KCNC2: variants seen among roughly 807,000 people sequenced by gnomAD.
KCNC2 encodes the protein potassium voltage-gated channel subfamily C member 2.
In KCNC2, 21 loss-of-function variants were observed where a neutral mutation model predicts 44.5. The ratio of observed to expected loss-of-function variants is 0.47; its 90% CI spans 0.33 to 0.68. The LOEUF (loss-of-function observed/expected upper bound fraction) is 0.68. Among genes scored for constraint, KCNC2 ranks in the 30% least tolerant of loss-of-function variants. KCNC2 has a pLI of 0.01. For synonymous variants in KCNC2, 391 were observed against 339.1 expected (o/e 1.15, Z -1.68); for missense variants, 589 against 826.2 (o/e 0.71, Z 3.52).
At chr12:75,155,526 A>G (rs1356038012) in intron 2 of KCNC2, among the ~76,000 whole-genome samples, 1 of 151,792 alleles carries the variant, frequency 6.6e-6, no homozygotes, top group Non-Finnish European at 1.5e-5. Flanking sequence ...ATTTCCTTAG[A>G]AATCAGTTTG....
chr12:75,061,566 T>TAC lies in KCNC2; in HGVS notation c.688-10251_688-10250dup, dbSNP rs59052402. Among the ~76,000 whole-genome samples, 408 of 143,428 alleles carry TAC rather than the reference T, an allele frequency of 2.8e-3. 3 individuals are homozygous for TAC. The highest frequency in any genetic ancestry group is 3.5e-3 in the Middle Eastern group (1 of 288). The allele number at this position is 143,428 out of a possible 152,430, so 94.1% of individuals were successfully genotyped here. On this transcript the variant is annotated intron_variant, in intron 2 of 4. Transcript: ENST00000549446. ...GGTGCTGAGAAATATAAGTGACAAG[T>TAC]ACACACACACACACACACACACACA... is the stretch of plus-strand genomic sequence containing the variant.
chr12:75,199,719 C>T (rs2031079395), intron 2 of KCNC2, among the ~76,000 whole-genome samples: 2 of 151,866 alleles, frequency 1.3e-5, no homozygotes, highest in Admixed American at 6.6e-5. Flanking sequence ...CCCACCATGA[C>T]CTGGTTATTT....
Position 75,041,987 on chromosome 12 carries a change from A to G in KCNC2, c.*1118T>C. On this transcript the variant is annotated 3_prime_UTR_variant, in exon 5 of 5. Coordinates refer to ENST00000549446, the MANE Select transcript of KCNC2 (RefSeq NM_139137.4). ...GCTAAGACAGACAAGAACAACATAC[A>G]GGACAAAGCACCTGATTAAACACTG... 1 of 1,047,504 alleles carries G rather than the reference A, an allele frequency of 9.5e-7. No homozygotes were observed. Among genetic ancestry groups the G allele is most frequent in the Non-Finnish European group, 1.1e-6 (1 of 871,038 alleles). The allele number at this position is 1,047,504 out of a possible 1,614,324, so 64.9% of individuals were successfully genotyped here.
rs1880092495 is a variant in KCNC2, at chr12:75,043,077, G to C, written c.*28C>G. ...ACAGCACTTGAATTAATACAATTTAGCCGACTGATGCAGTTTGGTTGTTTG... is the reference window on the plus strand; with the variant it reads ...ACAGCACTTGAATTAATACAATTTACCCGACTGATGCAGTTTGGTTGTTTG... On this transcript the variant is annotated 3_prime_UTR_variant, in exon 5 of 5. Transcript: ENST00000549446. 6.2e-7 allele frequency: 1 copy of C among 1,608,930 alleles called. No homozygotes were observed.
chr12:75,118,489 T>C (rs760989781), intron 2 of KCNC2, among the ~76,000 whole-genome samples: 1 of 151,854 alleles, frequency 6.6e-6, no homozygotes, highest in African/African-American at 2.4e-5. Context: ...AGGGCTGTCA[T>C]GTAAGAATTA....
At chr12:75,066,477 A>C (rs1882842561) in intron 2 of KCNC2, among the ~76,000 whole-genome samples, 1 of 152,176 alleles carries the variant, frequency 6.6e-6, no homozygotes, top group African/African-American at 2.4e-5. Flanking sequence ...ATTTGCTTTT[A>C]AAAATAAAAG....
At chr12:75,084,236 TAGA>T (rs765368256) in intron 2 of KCNC2, among the ~76,000 whole-genome samples, 1 of 150,698 alleles carries the variant, frequency 6.6e-6, no homozygotes, top group South Asian at 2.1e-4. Flanking sequence ...TAGATATAGA[TAGA>T]TAGATAGATG....
chr12:75,042,372 T>G lies in KCNC2; in HGVS notation c.*733A>C. ...CCAGTAATGACAACCTCTTTGCAGT[T>G]ATCTGTGTGCAAACAACCAGAGACA... On this transcript the variant is annotated 3_prime_UTR_variant, in exon 5 of 5. Coordinates refer to ENST00000549446, the MANE Select transcript of KCNC2 (RefSeq NM_139137.4). The G allele has an allele frequency of 6.2e-7, 1 of 1,611,200 alleles. No homozygotes were observed. Among genetic ancestry groups the G allele is most frequent in the Non-Finnish European group, 8.5e-7 (1 of 1,178,132 alleles).
intron 2 of KCNC2, among the ~76,000 whole-genome samples, chr12:75,080,842 G>T (rs1407756525): frequency 6.6e-6 from 1 of 151,852 alleles, no homozygotes; most frequent in African/African-American, 2.4e-5. Context: ...AGATTTAATT[G>T]TTAGATAGTC....
At chr12:75,156,791 T>C (rs1890789615) in intron 2 of KCNC2, among the ~76,000 whole-genome samples, 1 of 151,904 alleles carries the variant, frequency 6.6e-6, no homozygotes, top group Non-Finnish European at 1.5e-5. Context: ...TAATATGTTT[T>C]GGGCTCCAAA....
intron 2 of KCNC2, among the ~76,000 whole-genome samples, chr12:75,173,637 C>T (rs982735409): frequency 6.6e-6 from 1 of 151,750 alleles, no homozygotes; most frequent in African/African-American, 2.4e-5. Context: ...ATTACATGTC[C>T]TTTTGGAAAT....
intron 2 of KCNC2, among the ~76,000 whole-genome samples, chr12:75,104,091 T>G (rs991740940): frequency 1.4e-5 from 2 of 148,134 alleles, no homozygotes; most frequent in African/African-American, 5.0e-5. Flanking sequence ...CATGATGAGG[T>G]GAAGTGAGGT....
intron 2 of KCNC2, among the ~76,000 whole-genome samples, chr12:75,087,829 C>T (rs1053302551): frequency 1.1e-4 from 16 of 152,112 alleles, no homozygotes; most frequent in African/African-American, 3.9e-4. Context: ...TTCAAAGAAC[C>T]TTTCCAAAAA....
chr12:75,177,296 AG>A (rs1350355787), intron 2 of KCNC2, among the ~76,000 whole-genome samples: 1 of 151,954 alleles, frequency 6.6e-6, no homozygotes, highest in Non-Finnish European at 1.5e-5. Flanking sequence ...GAACAAACAC[AG>A]GGTTCAGGAA....
chr12:75,042,737 A>T lies in KCNC2; in HGVS notation c.*368T>A. ...GACATCTTCAGAATGGTTTACAGTC[A>T]CAAGAAATAAAGTTCCAATGAAGTG... On this transcript the variant is annotated 3_prime_UTR_variant, in exon 5 of 5. Transcript: ENST00000549446. 1 of 1,153,154 alleles carries T rather than the reference A, an allele frequency of 8.7e-7. No individual in the cohort carries two copies. Among genetic ancestry groups the T allele is most frequent in the Non-Finnish European group, 1.1e-6 (1 of 936,370 alleles). The allele number at this position is 1,153,154 out of a possible 1,614,324, so 71.4% of individuals were successfully genotyped here.
chr12:75,067,406 T>A (rs2137016392), intron 2 of KCNC2, among the ~76,000 whole-genome samples: 1 of 152,246 alleles, frequency 6.6e-6, no homozygotes, highest in South Asian at 2.1e-4. Flanking sequence ...TTTAAAAAAT[T>A]CATTGTACAT....
chr12:75,155,747 G>A (rs1049330004), intron 2 of KCNC2, among the ~76,000 whole-genome samples: 15 of 151,304 alleles, frequency 9.9e-5, no homozygotes, highest in African/African-American at 3.6e-4. Context: ...TGGTCAAGCA[G>A]ATGAAGAGCA....
At chr12:75,159,914 G>C (rs1425044651) in intron 2 of KCNC2, among the ~76,000 whole-genome samples, 1 of 151,790 alleles carries the variant, frequency 6.6e-6, no homozygotes, top group South Asian at 2.1e-4. Context: ...GACCATCTTT[G>C]AATCCCCTGT....
intron 2 of KCNC2, chr12:75,140,054 A>G (rs1045348921): frequency 6.6e-6 from 1 of 152,174 alleles, no homozygotes; most frequent in Admixed American, 6.5e-5. Context: ...TGCAATTTGG[A>G]CAGTGTTTAG....
Sources: gnomAD v4.1 joint callset for allele counts (sites outside exome capture counted in the v4.1 genomes callset) on GRCh38, gnomAD v4.1.1 for gene constraint, MANE v1.5 for transcripts, NCBI Gene and HGNC (gene_info 2026-07-23, HGNC 2026-07-21) for gene names.